The following CYP27C1 variants were observed in gnomAD, a reference collection of about 807,000 sequenced individuals.
CYP27C1 encodes the protein cytochrome P450 27C1.
In CYP27C1, 29 loss-of-function variants were observed where a neutral mutation model predicts 40.6. The observed-to-expected ratio is 0.71, with a 90% confidence interval of 0.53 to 0.97. The LOEUF (loss-of-function observed/expected upper bound fraction) is 0.97, where lower values mean the gene tolerates loss of function less well. CYP27C1 is among the 50% of genes least tolerant of loss of function. The probability of loss-of-function intolerance (pLI) is 0.00; values close to 1 mark genes in which losing one functional copy is unlikely to be tolerated. For missense variants in CYP27C1, 390 were observed against 485.8 expected (o/e 0.80, Z 1.85); for synonymous variants, 198 against 186.8 (o/e 1.06, Z -0.49).
intron 7 of CYP27C1, 27 bp from the exon 8 acceptor site, chr2:127,193,324 G>A (rs769090335): frequency 4.8e-5 from 77 of 1,612,714 alleles, no homozygotes; most frequent in Non-Finnish European, 6.4e-5. Context: ...TGACAGAAAA[G>A]GGAAAAGGGG....
chr2:127,219,720 C>A lies in CYP27C1; in HGVS notation c.282+269G>T, dbSNP rs1683511031. Among the ~76,000 whole-genome samples, 1 of 152,142 alleles carries A rather than the reference C, an allele frequency of 6.6e-6. No individual in the cohort carries two copies. Among genetic ancestry groups the A allele is most frequent in the East Asian group, 1.9e-4 (1 of 5,130 alleles). ...GCTTCCCGAAGACCCCTCCCCAACG[C>A]CCCCGCCCCGCTCCCGGTTCCTGCC... is the stretch of plus-strand genomic sequence containing the variant. On this transcript the variant is annotated intron_variant, in intron 1 of 8. Coordinates refer to ENST00000664447, the MANE Select transcript of CYP27C1 (RefSeq NM_001367502.1). This position sits in a 1 kb window ranked among gnomAD's most constrained non-coding sequence, Gnocchi z 8.7.
In CYP27C1 at chr2:127,195,885, T is replaced by C. The variant is rs1206705733; in HGVS notation, c.1048-384A>G. Among the ~76,000 whole-genome samples, 1 of 152,130 alleles carries C rather than the reference T, an allele frequency of 6.6e-6. No homozygotes were observed. Among genetic ancestry groups the C allele is most frequent in the East Asian group, 1.9e-4 (1 of 5,184 alleles). ...TTCTTTGCAGGGCTTGCTCGGTGTGTGCCAGAAAGGGCCTCAGGCTGCCCC... is the reference window on the plus strand; with the variant it reads ...TTCTTTGCAGGGCTTGCTCGGTGTGCGCCAGAAAGGGCCTCAGGCTGCCCC... On this transcript the variant is annotated intron_variant, in intron 5 of 8. Coordinates refer to ENST00000664447, the MANE Select transcript of CYP27C1 (RefSeq NM_001367502.1). This position sits in a 1 kb window ranked among gnomAD's most constrained non-coding sequence, Gnocchi z 6.2.
chr2:127,213,381 A>C (rs1683369512), intron 1 of CYP27C1, among the ~76,000 whole-genome samples: 1 of 152,196 alleles, frequency 6.6e-6, no homozygotes, highest in Non-Finnish European at 1.5e-5. Context: ...AAAAAGAACA[A>C]AGCTGGAAGC....
Position 127,218,829 on chromosome 2 carries a change from A to T in CYP27C1, c.282+1160T>A, listed in dbSNP as rs904310974. ...AATAACAGTGCGTGCTGGGCCGGGC[A>T]CCCGGGGAGGCGGACGATGGGCGAA... On this transcript the variant is annotated intron_variant, in intron 1 of 8. Transcript: ENST00000664447. The surrounding 1 kb of genome is among the most constrained non-coding windows in gnomAD (Gnocchi z 6.0). Among the ~76,000 whole-genome samples, 4 of 152,160 alleles carry T rather than the reference A, an allele frequency of 2.6e-5. No homozygotes were observed. Among genetic ancestry groups the T allele is most frequent in the African/African-American group, 4.8e-5 (2 of 41,448 alleles).
At chr2:127,198,676 A>C (rs11683344) in intron 5 of CYP27C1, among the ~76,000 whole-genome samples, 35,421 of 152,108 alleles carry the variant, frequency 0.23, 4,402 homozygotes, top group Middle Eastern at 0.35. Flanking sequence ...TATGTTAGAT[A>C]CACACATACT....
At chr2:127,199,277 A>T in intron 5 of CYP27C1, 99 bp downstream of exon 5, 1 of 1,496,526 alleles carries the variant, frequency 6.7e-7, no homozygotes, top group Non-Finnish European at 9.1e-7. Flanking sequence ...ATAGAGTAAA[A>T]CTCCATCCTC....
At chr2:127,189,464 G>A (rs1006326081) in intron 8 of CYP27C1, among the ~76,000 whole-genome samples, 3 of 152,144 alleles carry the variant, frequency 2.0e-5, no homozygotes, top group Admixed American at 6.5e-5. Context: ...GGGGATAGGG[G>A]GAAGAGGAGG....
chr2:127,198,048 C>T (rs546572059), intron 5 of CYP27C1, among the ~76,000 whole-genome samples: 1 of 152,300 alleles, frequency 6.6e-6, no homozygotes, highest in African/African-American at 2.4e-5. Context: ...CTGCCTCTTC[C>T]TTTCCCATCG....
Position 127,218,716 on chromosome 2 carries a change from G to T in CYP27C1, c.282+1273C>A, listed in dbSNP as rs1439561199. On this transcript the variant is annotated intron_variant, in intron 1 of 8. Coordinates refer to ENST00000664447, the MANE Select transcript of CYP27C1 (RefSeq NM_001367502.1). This position sits in a 1 kb window ranked among gnomAD's most constrained non-coding sequence, Gnocchi z 6.0. ...AGAGGCTTCGATGGAGAAGGGTCTC[G>T]AAAGACCGGAACTCTGGGCAGAAGG... Among the ~76,000 whole-genome samples the T allele has an allele frequency of 6.6e-6, 1 of 152,206 alleles. No homozygotes were observed. Among genetic ancestry groups the T allele is most frequent in the Non-Finnish European group, 1.5e-5 (1 of 68,040 alleles).
At chr2:127,204,438 GAAAAAGAAA>G (rs1683124099) in intron 2 of CYP27C1, among the ~76,000 whole-genome samples, 1 of 34,504 alleles carries the variant, frequency 2.9e-5, no homozygotes, top group African/African-American at 8.9e-5. Flanking sequence ...AGGAAAGAAA[GAAAAAGAAA>G]GAAAGAAAGA....
At chr2:127,194,612 C>T (rs1220761361) in intron 6 of CYP27C1, among the ~76,000 whole-genome samples, 3 of 152,234 alleles carry the variant, frequency 2.0e-5, no homozygotes, top group Admixed American at 1.3e-4. Context: ...CACTGGGTGG[C>T]GTCTAAACCC....
At chr2:127,210,914 A>G (rs1573906126) in intron 1 of CYP27C1, among the ~76,000 whole-genome samples, 1 of 152,154 alleles carries the variant, frequency 6.6e-6, no homozygotes, top group South Asian at 2.1e-4. Context: ...CACAATAATA[A>G]TGGGAGACTT....
At position 127,193,152 on chromosome 2, in the gene CYP27C1, A is replaced by T; in HGVS notation, c.1439T>A (p.Val480Asp). Residue 480 changes from valine to aspartate, a missense_variant, in exon 8 of 9, where the codon GTT (valine) becomes GAT (aspartate). Val to Asp is a radical substitution (Grantham distance 152). Transcript: ENST00000664447. ...AATTCTCCGCCCTATGCAGCTGCGA[A>T]CCCCATGACCAAAGGGGATGGATCC... The part of the protein sequence containing the change: ...NFGSIPFGHG[V>D]RSCIGRRIAE... 6.2e-7 allele frequency: 1 copy of T among 1,614,082 alleles called. No individual in the cohort carries two copies. The highest frequency in any genetic ancestry group is 2.2e-5 in the East Asian group (1 of 44,866).
At chr2:127,205,860 C>T (rs1337852984) in intron 2 of CYP27C1, 40 bp downstream of exon 2, 5 of 612,188 alleles carry the variant, frequency 8.2e-6, no homozygotes, top group African/African-American at 2.0e-5. Flanking sequence ...CCCTGAGCTC[C>T]CCCTCCAGCC....
chr2:127,216,909 T>A (rs1683441504), intron 1 of CYP27C1, among the ~76,000 whole-genome samples: 1 of 152,132 alleles, frequency 6.6e-6, no homozygotes, highest in Admixed American at 6.5e-5. Flanking sequence ...ATTTCTCTAC[T>A]CTTATACTCA....
At chr2:127,190,275 C>T (rs1355457557) in intron 8 of CYP27C1, among the ~76,000 whole-genome samples, 1 of 143,474 alleles carries the variant, frequency 7.0e-6, no homozygotes, top group Non-Finnish European at 1.6e-5. Flanking sequence ...AAAAAATAAA[C>T]TCCTGTCTAT....
chr2:127,203,585 G>A lies in CYP27C1; in HGVS notation c.474-14C>T. On this transcript the variant is annotated splice_polypyrimidine_tract_variant and intron_variant, in intron 2 of 8. Coordinates refer to ENST00000664447, the MANE Select transcript of CYP27C1 (RefSeq NM_001367502.1). Reference sequence around the variant, plus strand: ...TGTTCACCCTCCCTAGAAGAATCAAGTGAGTTTCAAATCATCTTACTTACA... The same window carrying A: ...TGTTCACCCTCCCTAGAAGAATCAAATGAGTTTCAAATCATCTTACTTACA... The A allele has an allele frequency of 6.2e-7, 1 of 1,601,876 alleles. No homozygotes were observed. Among genetic ancestry groups the A allele is most frequent in the Non-Finnish European group, 8.5e-7 (1 of 1,177,010 alleles).
chr2:127,209,868 A>G lies in CYP27C1; in HGVS notation c.283-3778T>C, dbSNP rs1467386442. Among the ~76,000 whole-genome samples the G allele has an allele frequency of 6.6e-6, 1 of 152,254 alleles. No homozygotes were observed. The highest frequency in any genetic ancestry group is 2.4e-5 in the African/African-American group (1 of 41,472). ...CCTCAAAGAAATATGGGACTTCATA[A>G]AAACAGCAAACCTACAATCGACTGG... On this transcript the variant is annotated intron_variant, in intron 1 of 8. Transcript: ENST00000664447. The surrounding 1 kb of genome is among the most constrained non-coding windows in gnomAD (Gnocchi z 4.1).
At position 127,196,959 on chromosome 2, in the gene CYP27C1, T is replaced by C. The variant is rs1229066507; in HGVS notation, c.1048-1458A>G. Reference sequence around the variant, plus strand: ...ATCGCATTATGCAGTTTAAATGGAGTTGACTATGCATAAGTTATACCGCAA... The same window carrying C: ...ATCGCATTATGCAGTTTAAATGGAGCTGACTATGCATAAGTTATACCGCAA... On this transcript the variant is annotated intron_variant, in intron 5 of 8. Transcript: ENST00000664447. This position sits in a 1 kb window ranked among gnomAD's most constrained non-coding sequence, Gnocchi z 4.5. 6.6e-6 allele frequency among the ~76,000 whole-genome samples: 1 copy of C among 152,116 alleles called. No homozygotes were observed. Among genetic ancestry groups the C allele is most frequent in the Non-Finnish European group, 1.5e-5 (1 of 68,026 alleles).
Sources: allele counts gnomAD v4.1 joint callset (sites outside exome capture counted in the v4.1 genomes callset), GRCh38; gene constraint gnomAD v4.1.1; non-coding constraint Gnocchi (gnomAD v3.1); transcripts MANE v1.5; gene names NCBI Gene and HGNC (gene_info 2026-07-23, HGNC 2026-07-21).